Variants in AJAP1 observed in about 807,000 individuals in gnomAD.
AJAP1 encodes the protein adherens junctions associated protein 1, also known as adherens junction-associated protein 1.
In AJAP1, 5 loss-of-function variants were observed where a neutral mutation model predicts 35.0. The ratio of observed to expected loss-of-function variants is 0.14; its 90% CI spans 0.07 to 0.30. The LOEUF is 0.30. Ranked by LOEUF, AJAP1 falls within the 10% of genes least tolerant of loss-of-function variation. The pLI, the probability that AJAP1 is intolerant of heterozygous loss-of-function variation, is 1.00. For missense variants in AJAP1, 586 were observed against 571.0 expected (o/e 1.03, Z -0.27); for synonymous variants, 284 against 249.3 (o/e 1.14, Z -1.31).
At position 4,656,614 on chromosome 1, in the gene AJAP1, A is replaced by T. The variant is rs146222473; in HGVS notation, c.29+1160A>T. 4.4e-3 allele frequency among the ~76,000 whole-genome samples: 670 copies of T among 152,184 alleles called. 5 individuals are homozygous for T. The highest frequency in any genetic ancestry group is 0.015 in the African/African-American group (633 of 41,532). ...GCGTGTCCTGATTTTGAGAAATCGG[A>T]AGGGGACTGGGACGCCAAGTGTTTT... On this transcript the variant is annotated intron_variant, in intron 1 of 5. Transcript: ENST00000378191. The surrounding 1 kb of genome is among the most constrained non-coding windows in gnomAD (Gnocchi z 5.7).
chr1:4,666,652 C>T (rs1303612365), intron 1 of AJAP1, among the ~76,000 whole-genome samples: 2 of 98,018 alleles, frequency 2.0e-5, no homozygotes, highest in South Asian at 3.8e-4. Context: ...GTGCGGAGAG[C>T]GGGCCTGTGA....
At chr1:4,771,301 G>T (rs1234447170) in intron 3 of AJAP1, among the ~76,000 whole-genome samples, 1 of 152,194 alleles carries the variant, frequency 6.6e-6, no homozygotes, top group Non-Finnish European at 1.5e-5. Flanking sequence ...GGGGTAGGGG[G>T]CTTCTTCTCC....
intron 2 of AJAP1, among the ~76,000 whole-genome samples, chr1:4,717,471 A>G (rs1640420303): frequency 6.6e-6 from 1 of 152,160 alleles, no homozygotes; most frequent in African/African-American, 2.4e-5. Context: ...CCTCTGTTCA[A>G]TCAGTCACGT....
chr1:4,769,730 C>T (rs1017588987), intron 2 of AJAP1, 123 bp from the exon 3 acceptor site: 17 of 813,482 alleles, frequency 2.1e-5, no homozygotes, highest in African/African-American at 1.7e-4. Flanking sequence ...CCGAGTTCCC[C>T]GCTGCGGATG....
chr1:4,707,021 T>G (rs1208255129), intron 1 of AJAP1, among the ~76,000 whole-genome samples: 2 of 152,150 alleles, frequency 1.3e-5, no homozygotes, highest in African/African-American at 2.4e-5. Context: ...TCCCTGCCTC[T>G]TCTCAAAGGG....
chr1:4,732,161 G>T lies in AJAP1; in HGVS notation c.829+19462G>T, dbSNP rs1640815067. On this transcript the variant is annotated intron_variant, in intron 2 of 5. Transcript: ENST00000378191. ...GAACAGCTTTCAGCCAGCCCCTCTT[G>T]CCCGAAGGGCCCCATGATGTGGGGA... 3.3e-5 allele frequency among the ~76,000 whole-genome samples: 5 copies of T among 152,368 alleles called. No homozygotes were observed. The South Asian group carries it at 1.0e-3, about 32-fold the overall frequency.
Position 4,656,735 on chromosome 1 carries a change from C to G in AJAP1, c.29+1281C>G, listed in dbSNP as rs945198802. Among the ~76,000 whole-genome samples the G allele has an allele frequency of 2.0e-5, 3 of 152,158 alleles. No individual in the cohort carries two copies. The highest frequency in any genetic ancestry group is 4.4e-5 in the Non-Finnish European group (3 of 68,034). On this transcript the variant is annotated intron_variant, in intron 1 of 5. Transcript: ENST00000378191. This position sits in a 1 kb window ranked among gnomAD's most constrained non-coding sequence, Gnocchi z 5.7. ...TTGTCAGATGTTATTATTAGCATCC[C>G]TTCTCTCAGTGGCCGATCTTGCTGT...
At chr1:4,725,812 T>C (rs987727865) in intron 2 of AJAP1, among the ~76,000 whole-genome samples, 20 of 152,180 alleles carry the variant, frequency 1.3e-4, no homozygotes, top group Admixed American at 5.2e-4. Flanking sequence ...CCTCACATGG[T>C]TGTCCCTCTG....
chr1:4,654,822 CGCTCA>C lies in AJAP1; in HGVS notation c.-602_-598del, dbSNP rs1287678737. On this transcript the variant is annotated 5_prime_UTR_variant, in exon 1 of 6. Transcript: ENST00000378191. The surrounding 1 kb of genome is among the most constrained non-coding windows in gnomAD (Gnocchi z 5.1). ...GGGCCGCGGCCGTCTGCAGAGCGAG[CGCTCA>C]GACGGAGCCCCCGGGCAACTTGAGT... The C allele has an allele frequency of 6.6e-6, 1 of 150,614 alleles. No homozygotes were observed. Among genetic ancestry groups the C allele is most frequent in the Non-Finnish European group, 1.5e-5 (1 of 67,614 alleles). 9.3% of individuals were successfully genotyped at this position (150,614 alleles called of 1,614,324 possible).
chr1:4,707,194 G>T (rs1640119924), intron 1 of AJAP1, among the ~76,000 whole-genome samples: 1 of 152,148 alleles, frequency 6.6e-6, no homozygotes, highest in Admixed American at 6.5e-5. Flanking sequence ...CCAGGGCCAG[G>T]ATTAGGGTGC....
At position 4,759,749 on chromosome 1, in the gene AJAP1, G is replaced by A. The variant is rs551457293; in HGVS notation, c.830-10104G>A. Among the ~76,000 whole-genome samples the A allele has an allele frequency of 6.6e-5, 10 of 152,314 alleles. No homozygotes were observed. In the East Asian group the frequency reaches 1.5e-3, roughly 24 times the overall value. On this transcript the variant is annotated intron_variant, in intron 2 of 5. Coordinates refer to ENST00000378191, the MANE Select transcript of AJAP1 (RefSeq NM_018836.4). ...GGGGGAGCCTTGCCATTTGTTTAGAGGTTTGATGTACTGACCATTTTATAA... is the reference window on the plus strand; with the variant it reads ...GGGGGAGCCTTGCCATTTGTTTAGAAGTTTGATGTACTGACCATTTTATAA...
chr1:4,714,219 G>GAGAGGCTCTGGAGGA (rs1168805477), intron 2 of AJAP1, among the ~76,000 whole-genome samples: 1 of 152,236 alleles, frequency 6.6e-6, no homozygotes, highest in Non-Finnish European at 1.5e-5. Flanking sequence ...GTGGGCTTGG[G>GAGAGGCTCTGGAGGA]AGAGGCTCTG....
chr1:4,706,366 G>A (rs1640100571), intron 1 of AJAP1, among the ~76,000 whole-genome samples: 1 of 152,190 alleles, frequency 6.6e-6, no homozygotes, highest in Non-Finnish European at 1.5e-5. Flanking sequence ...CCAACTTACT[G>A]GTATGAATGA....
chr1:4,734,285 A>G lies in AJAP1; in HGVS notation c.829+21586A>G, dbSNP rs1006847402. Reference sequence around the variant, plus strand: ...TACTGAGCCTCCTGCCTCACTATTAACAGCGCTGCGTCCATACTGGGAGCC... The same window carrying G: ...TACTGAGCCTCCTGCCTCACTATTAGCAGCGCTGCGTCCATACTGGGAGCC... On this transcript the variant is annotated intron_variant, in intron 2 of 5. Coordinates refer to ENST00000378191, the MANE Select transcript of AJAP1 (RefSeq NM_018836.4). This position sits in a 1 kb window ranked among gnomAD's most constrained non-coding sequence, Gnocchi z 4.3. Among the ~76,000 whole-genome samples, 2 of 152,180 alleles carry G rather than the reference A, an allele frequency of 1.3e-5. No homozygotes were observed. Among genetic ancestry groups the G allele is most frequent in the Non-Finnish European group, 2.9e-5 (2 of 68,040 alleles).
intron 1 of AJAP1, among the ~76,000 whole-genome samples, chr1:4,665,104 C>A (rs145512900): frequency 9.1e-4 from 138 of 152,090 alleles, no homozygotes; most frequent in Non-Finnish European, 1.5e-3. Context: ...GCCCCCACCC[C>A]CCTCTTTTTT....
chr1:4,759,243 C>T (rs115993609), intron 2 of AJAP1, among the ~76,000 whole-genome samples: 119 of 152,316 alleles, frequency 7.8e-4, no homozygotes, highest in African/African-American at 2.7e-3. Flanking sequence ...ATCAGTCCTG[C>T]ACCAGGGTCG....
chr1:4,660,541 T>C (rs1237365321), intron 1 of AJAP1, among the ~76,000 whole-genome samples: 1 of 152,212 alleles, frequency 6.6e-6, no homozygotes, highest in Non-Finnish European at 1.5e-5. Flanking sequence ...ACAGTTAAAA[T>C]TAAAGGTTTA....
At chr1:4,708,789 C>T (rs960734957) in intron 1 of AJAP1, among the ~76,000 whole-genome samples, 9 of 152,080 alleles carry the variant, frequency 5.9e-5, no homozygotes, top group Non-Finnish European at 1.3e-4. Flanking sequence ...GGCCCCTACA[C>T]GTCTTCCTAT....
At chr1:4,710,337 T>C (rs1026052223) in intron 1 of AJAP1, among the ~76,000 whole-genome samples, 1 of 151,902 alleles carries the variant, frequency 6.6e-6, no homozygotes, top group African/African-American at 2.4e-5. Context: ...TCACGCACAG[T>C]CTCTCACACT....
Sources: allele counts gnomAD v4.1 joint callset (sites outside exome capture counted in the v4.1 genomes callset), GRCh38; gene constraint gnomAD v4.1.1; non-coding constraint Gnocchi (gnomAD v3.1); transcripts MANE v1.5; gene names NCBI Gene and HGNC (gene_info 2026-07-23, HGNC 2026-07-21).